The following IGSF9B variants were observed in gnomAD, a reference collection of about 807,000 sequenced individuals.
IGSF9B encodes protein turtle homolog B.
In IGSF9B, 48 loss-of-function variants were observed where a neutral mutation model predicts 143.7. That is an observed-to-expected ratio of 0.33 (90% CI 0.26 to 0.42). The LOEUF (loss-of-function observed/expected upper bound fraction) is 0.42. Among genes scored for constraint, IGSF9B ranks in the 20% least tolerant of loss-of-function variants. The pLI, the probability that IGSF9B is intolerant of heterozygous loss-of-function variation, is 1.00. For missense variants in IGSF9B, 1,706 were observed against 1,980.0 expected, an observed-to-expected ratio of 0.86 and a Z score of 2.63; for synonymous variants, 903 against 833.1, an observed-to-expected ratio of 1.08 and a Z score of -1.44.
intron 18 of IGSF9B, among the ~76,000 whole-genome samples, chr11:133,918,802 CAG>C (rs34060525): frequency 1.1e-3 from 161 of 147,262 alleles, no homozygotes; most frequent in Non-Finnish European, 1.2e-3. Context: ...AGGACGGAGC[CAG>C]AGAGAGAGAG....
rs1159135315 is a variant in IGSF9B at position 133,931,056 on chromosome 11, G to A, written c.1447C>T (p.His483Tyr). ...LQFRALSKEDHGEWECVATNV... is the reference protein window; with the variant it reads ...LQFRALSKEDYGEWECVATNV... ...GTGGCGACACATTCCCACTCCCCGT[G>A]GTCCTCCTTACTCAGGGCACGGAAC... The change falls in exon 11 of 20, where the codon CAC (histidine) becomes TAC (tyrosine). Residue 483 changes from histidine to tyrosine, a missense_variant. Physicochemically the swap from His to Tyr is moderately conservative, Grantham distance 83. Coordinates refer to ENST00000533871, the MANE Select transcript of IGSF9B (RefSeq NM_001277285.4). The surrounding 1 kb of genome is among the most constrained non-coding windows in gnomAD (Gnocchi z 7.7). 6.2e-7 allele frequency: 1 copy of A among 1,613,628 alleles called. No individual in the cohort carries two copies. Among genetic ancestry groups the A allele is most frequent in the African/African-American group, 1.3e-5 (1 of 74,912 alleles).
intron 18 of IGSF9B, among the ~76,000 whole-genome samples, chr11:133,916,226 A>G (rs758665596): frequency 6.6e-6 from 1 of 152,168 alleles, no homozygotes; most frequent in Non-Finnish European, 1.5e-5. Context: ...GGTCCACGCA[A>G]TACAACTCCC....
chr11:133,902,776 T>TA lies in IGSF9B; in HGVS notation c.*6292dup, dbSNP rs1421038216. 1.3e-5 allele frequency among the ~76,000 whole-genome samples: 2 copies of TA among 152,100 alleles called. No homozygotes were observed. Among genetic ancestry groups the TA allele is most frequent in the East Asian group, 1.9e-4 (1 of 5,186 alleles). ...GGGAGGCCATATAAAACCTCATTGA[T>TA]AGAGTGGCTGACAACTACCCTTTCA... On this transcript the variant is annotated 3_prime_UTR_variant, in exon 20 of 20. Coordinates refer to ENST00000533871, the MANE Select transcript of IGSF9B (RefSeq NM_001277285.4).
intron 1 of IGSF9B, chr11:133,952,209 AGCAGACTGGGCTCACACCCATGG>A (rs1940173670): frequency 7.8e-6 from 3 of 382,994 alleles, no homozygotes; most frequent in Non-Finnish European, 1.6e-5. Flanking sequence ...AGCTGCCTCC[AGCAGACTGGGCTCACACCCATGG>A]GCAGCGCCTT....
Position 133,909,449 on chromosome 11 carries a change from T to C in IGSF9B, c.4106-172A>G, listed in dbSNP as rs927298092. On this transcript the variant is annotated intron_variant, in intron 19 of 19. Coordinates refer to ENST00000533871, the MANE Select transcript of IGSF9B (RefSeq NM_001277285.4). This position sits in a 1 kb window ranked among gnomAD's most constrained non-coding sequence, Gnocchi z 4.2. The stretch of plus-strand genomic sequence containing the variant: ...TTGCTGCAGAGAAACCACCTTCTTT[T>C]CCGCCAAGACAACCAGCAACCTGAC... 3.3e-5 allele frequency among the ~76,000 whole-genome samples: 5 copies of C among 152,196 alleles called. No homozygotes were observed. The highest frequency in any genetic ancestry group is 1.2e-4 in the African/African-American group (5 of 41,444).
Position 133,936,513 on chromosome 11 carries a change from A to C in IGSF9B, c.680-319T>G, listed in dbSNP as rs920568841. ...TAGAGCGAGGAATAGTCCAGTCTCA[A>C]GGAGTCAGGGCCGTGGGCTGCTCCC... On this transcript the variant is annotated intron_variant, in intron 5 of 19. Transcript: ENST00000533871. 2.0e-5 allele frequency among the ~76,000 whole-genome samples: 3 copies of C among 152,320 alleles called. No individual in the cohort carries two copies. In the South Asian group the frequency reaches 6.2e-4, roughly 32 times the overall value.
At chr11:133,952,165 A>G (rs899252145) in intron 1 of IGSF9B, 1 of 413,866 alleles carries the variant, frequency 2.4e-6, no homozygotes, top group Non-Finnish European at 5.0e-6. Flanking sequence ...AAGAGAGAAC[A>G]GAAAAGCAGG....
chr11:133,924,962 C>T, intron 14 of IGSF9B, 58 bp from the exon 15 acceptor site: 1 of 1,385,612 alleles, frequency 7.2e-7, no homozygotes, highest in South Asian at 1.2e-5. Context: ...CCACTGTCCC[C>T]TCACACACTC....
At chr11:133,926,007 G>A in intron 13 of IGSF9B, 42 bp from the exon 14 acceptor site, 2 of 1,406,950 alleles carry the variant, frequency 1.4e-6, no homozygotes, top group South Asian at 1.2e-5. Flanking sequence ...CATCAGCGAG[G>A]CCCAGGGCAG....
chr11:133,952,751 A>G (rs1278070639), intron 1 of IGSF9B, among the ~76,000 whole-genome samples: 3 of 151,914 alleles, frequency 2.0e-5, no homozygotes, highest in Non-Finnish European at 4.4e-5. Context: ...ACACATATGT[A>G]CACATATAGG....
At chr11:133,946,397 C>T (rs1940053267) in intron 1 of IGSF9B, 139 bp from the exon 2 acceptor site, 2 of 677,106 alleles carry the variant, frequency 3.0e-6, no homozygotes, top group Non-Finnish European at 5.1e-6. Context: ...CCAGGAGGGT[C>T]CCAGGCACAC....
rs1555082798 is a variant in IGSF9B, at chr11:133,902,554, T to TACACACACACCCCAC, written c.*6514_*6515insGTGGGGTGTGTGTGT. Among the ~76,000 whole-genome samples, 3 of 110,394 alleles carry TACACACACACCCCAC rather than the reference T, an allele frequency of 2.7e-5. No homozygotes were observed. The highest frequency in any genetic ancestry group is 1.0e-4 in the African/African-American group (3 of 29,354). The allele number at this position is 110,394 out of a possible 152,430, so 72.4% of individuals were successfully genotyped here. A position where few individuals can be genotyped will look rare whatever the true frequency, so the allele number is the denominator to read the frequency against. On this transcript the variant is annotated 3_prime_UTR_variant, in exon 20 of 20. Transcript: ENST00000533871. ...ACACACATATACCACACACACCACA[T>TACACACACACCCCAC]ACACACACACACCCCACACACACAC...
rs934337342 is a variant in IGSF9B, at chr11:133,908,025, G to A, written c.*1044C>T. Among the ~76,000 whole-genome samples, 2 of 152,256 alleles carry A rather than the reference G, an allele frequency of 1.3e-5. No homozygotes were observed. Among genetic ancestry groups the A allele is most frequent in the African/African-American group, 4.8e-5 (2 of 41,476 alleles). On this transcript the variant is annotated 3_prime_UTR_variant, in exon 20 of 20. Transcript: ENST00000533871. ...AGCCGCTGTGGAACAGCACTGCACA[G>A]AGTGCTGAGCCGGGGACGGTATAAA...
At chr11:133,950,603 T>C (rs1300750655) in intron 1 of IGSF9B, among the ~76,000 whole-genome samples, 1 of 152,182 alleles carries the variant, frequency 6.6e-6, no homozygotes, top group African/African-American at 2.4e-5. Context: ...AGCCTCACTT[T>C]TCCCTTTCTT....
chr11:133,902,314 TACAC>T lies in IGSF9B; in HGVS notation c.*6751_*6754del, dbSNP rs1307866160. 1.4e-4 allele frequency among the ~76,000 whole-genome samples: 14 copies of T among 102,914 alleles called. No individual in the cohort carries two copies. The highest frequency in any genetic ancestry group is 3.1e-4 in the East Asian group (1 of 3,210). 67.5% of individuals were successfully genotyped at this position (102,914 alleles called of 152,430 possible). ...ATCACACATACACGCACACCACAGATACACACACACCATACCACACACACCCCAC... is the reference window on the plus strand; with the variant it reads ...ATCACACATACACGCACACCACAGATACACACCATACCACACACACCCCAC... On this transcript the variant is annotated 3_prime_UTR_variant, in exon 20 of 20. Transcript: ENST00000533871.
At chr11:133,910,031 G>A (rs139940156) in intron 19 of IGSF9B, among the ~76,000 whole-genome samples, 1 of 152,330 alleles carries the variant, frequency 6.6e-6, no homozygotes, top group African/African-American at 2.4e-5. Context: ...CAAGCCCCAA[G>A]TTAAGGGTAA....
intron 12 of IGSF9B, 28 bp from the exon 13 acceptor site, chr11:133,927,119 GGAC>G (rs2121303086): frequency 6.5e-7 from 1 of 1,528,816 alleles, no homozygotes; most frequent in East Asian, 2.5e-5. Context: ...ACAGGATAGG[GGAC>G]GAGGGGCGGG....
At chr11:133,936,908 G>A (rs991158239) in intron 5 of IGSF9B, among the ~76,000 whole-genome samples, 1 of 152,214 alleles carries the variant, frequency 6.6e-6, no homozygotes, top group Admixed American at 6.5e-5. Context: ...CTCCAGGCAG[G>A]GCAGTCTGGC....
rs73032038 is a variant in IGSF9B, at chr11:133,899,642, C to T, written c.*9427G>A. 0.011 allele frequency: 1,642 copies of T among 152,428 alleles called. 10 individuals are homozygous for T. Among genetic ancestry groups the T allele is most frequent in the Non-Finnish European group, 0.016 (1,115 of 68,102 alleles). 9.4% of individuals were successfully genotyped at this position (152,428 alleles called of 1,614,324 possible). A position where few individuals can be genotyped will look rare whatever the true frequency, so the allele number is the denominator to read the frequency against. On this transcript the variant is annotated 3_prime_UTR_variant, in exon 20 of 20. Transcript: ENST00000533871. ...CCTGGTGGGAGGGCAAGCCCTAGGACATGCCCGAGGTGTTGGAGCAGTTTA... is the reference window on the plus strand; with the variant it reads ...CCTGGTGGGAGGGCAAGCCCTAGGATATGCCCGAGGTGTTGGAGCAGTTTA...
Sources: allele counts gnomAD v4.1 joint callset (sites outside exome capture counted in the v4.1 genomes callset), GRCh38; gene constraint gnomAD v4.1.1; non-coding constraint Gnocchi (gnomAD v3.1); transcripts MANE v1.5; gene names NCBI Gene and HGNC (gene_info 2026-07-23, HGNC 2026-07-21).